AP4B1: variants seen among roughly 807,000 people sequenced by gnomAD.
AP4B1 encodes the protein adaptor related protein complex 4 subunit beta 1.
AP4B1 carries 49 observed loss-of-function variants against 76.5 expected under a neutral mutation model. The ratio of observed to expected loss-of-function variants is 0.64; its 90% CI spans 0.51 to 0.81. The LOEUF is 0.81. Among genes scored for constraint, AP4B1 ranks in the 40% least tolerant of loss-of-function variants. The pLI is 0.00. For missense variants in AP4B1, 911 were observed against 904.9 expected (o/e 1.01, Z -0.09); for synonymous variants, 330 against 333.3 (o/e 0.99, Z 0.11).
intron 3 of AP4B1, 35 bp from the exon 4 acceptor site, chr1:113,901,418 G>A (rs1234954040): frequency 1.2e-6 from 2 of 1,603,808 alleles, no homozygotes; most frequent in Non-Finnish European, 1.7e-6. Context: ...GATAAAGAAG[G>A]AAAGCTTCAG....
Position 113,894,905 on chromosome 1 carries a change from G to T in AP4B1, c.*160C>A. 1 of 746,690 alleles carries T rather than the reference G, an allele frequency of 1.3e-6. No homozygotes were observed. Among genetic ancestry groups the T allele is most frequent in the Non-Finnish European group, 2.1e-6 (1 of 468,278 alleles). The allele number at this position is 746,690 out of a possible 1,614,324, so 46.3% of individuals were successfully genotyped here. ...AATTGCCAATAGGAATGAAAGGAATGAATCAATGTTCTTTGGCCAAAAACT... is the reference window on the plus strand; with the variant it reads ...AATTGCCAATAGGAATGAAAGGAATTAATCAATGTTCTTTGGCCAAAAACT... On this transcript the variant is annotated 3_prime_UTR_variant, in exon 10 of 10. Coordinates refer to ENST00000369569, the MANE Select transcript of AP4B1 (RefSeq NM_001253852.3).
Position 113,896,662 on chromosome 1 carries a change from G to A in AP4B1, c.1303-197C>T, listed in dbSNP as rs181092653. On this transcript the variant is annotated intron_variant, in intron 7 of 9. Transcript: ENST00000369569. ...AGGAATGAAATTCTAATACACAAGA[G>A]GAAACTCAAAACTTTCATAGCCTAT... 1.8e-3 allele frequency: 1,114 copies of A among 619,418 alleles called. 1 individual carries two copies. Among genetic ancestry groups the A allele is most frequent in the Non-Finnish European group, 2.2e-3 (780 of 353,830 alleles). 38.4% of individuals were successfully genotyped at this position (619,418 alleles called of 1,614,324 possible).
In AP4B1 at chr1:113,895,979, C is replaced by A. The variant is rs1383656041; in HGVS notation, c.1570G>T (p.Val524Phe). 5 of 1,614,078 alleles carry A rather than the reference C, an allele frequency of 3.1e-6. No homozygotes were observed. The highest frequency in any genetic ancestry group is 3.4e-6 in the Non-Finnish European group (4 of 1,180,042). The change falls in exon 9 of 10, where the codon GTT (valine) becomes TTT (phenylalanine). Residue 524 changes from valine to phenylalanine, a missense_variant. Val to Phe is a conservative substitution (Grantham distance 50). Transcript: ENST00000369569. ...ATCCGCTTAACTTCATCAATGCCAACTAAGAGGAGGCGATAATAGAAGAGA... is the reference window on the plus strand; with the variant it reads ...ATCCGCTTAACTTCATCAATGCCAAATAAGAGGAGGCGATAATAGAAGAGA... ...RGLFYYRLLL[V>F]GIDEVKRILC...
chr1:113,900,472 G>T, intron 4 of AP4B1, 72 bp from the exon 5 acceptor site: 1 of 1,556,738 alleles, frequency 6.4e-7, no homozygotes, highest in Non-Finnish European at 8.8e-7. Context: ...ACTGCCATAT[G>T]ACCAGGTGGT....
chr1:113,901,647 T>C (rs947054408), intron 3 of AP4B1, 108 bp downstream of exon 3: 18 of 1,478,058 alleles, frequency 1.2e-5, no homozygotes, highest in African/African-American at 1.1e-4. Flanking sequence ...TAAAGAGATA[T>C]GTACAGAACT....
Position 113,894,888 on chromosome 1 carries a change from A to G in AP4B1, c.*177T>C. The G allele has an allele frequency of 1.5e-6, 1 of 673,956 alleles. No homozygotes were observed. The highest frequency in any genetic ancestry group is 2.5e-6 in the Non-Finnish European group (1 of 407,454). The allele number at this position is 673,956 out of a possible 1,614,324, so 41.7% of individuals were successfully genotyped here. A position where few individuals can be genotyped will look rare whatever the true frequency, so the allele number is the denominator to read the frequency against. On this transcript the variant is annotated 3_prime_UTR_variant, in exon 10 of 10. Coordinates refer to ENST00000369569, the MANE Select transcript of AP4B1 (RefSeq NM_001253852.3). Reference sequence around the variant, plus strand: ...CACTGAAAAATGGGGTCAATTGCCAATAGGAATGAAAGGAATGAATCAATG... The same window carrying G: ...CACTGAAAAATGGGGTCAATTGCCAGTAGGAATGAAAGGAATGAATCAATG...
rs28364562 is a variant in AP4B1 at position 113,904,329 on chromosome 1, T to C, written c.113+276A>G. Among the ~76,000 whole-genome samples the C allele has an allele frequency of 2.8e-3, 425 of 152,194 alleles. 3 individuals carry two copies. Among genetic ancestry groups the C allele is most frequent in the African/African-American group, 9.9e-3 (413 of 41,510 alleles). On this transcript the variant is annotated intron_variant, in intron 1 of 9. Transcript: ENST00000369569. ...CCAAGCAGGCAGTGGGATACGTGGG[T>C]CTGAAGCTAAAAAAGGAAGTCTGTA...
At position 113,901,134 on chromosome 1, in the gene AP4B1, T is replaced by C. The variant is rs1668198387; in HGVS notation, c.617+102A>G. ...AATAATAATAATAATAATGGTTAAC[T>C]TTCTTTTCTACCCCACATAAGTTGT... On this transcript the variant is annotated intron_variant, in intron 4 of 9. Coordinates refer to ENST00000369569, the MANE Select transcript of AP4B1 (RefSeq NM_001253852.3). 10 of 1,454,530 alleles carry C rather than the reference T, an allele frequency of 6.9e-6. No homozygotes were observed. In the East Asian group the frequency reaches 2.3e-4, roughly 33 times the overall value. 90.1% of individuals were successfully genotyped at this position (1,454,530 alleles called of 1,614,324 possible). A position where few individuals can be genotyped will look rare whatever the true frequency, so the allele number is the denominator to read the frequency against.
chr1:113,900,423 G>T (rs1156441082), intron 4 of AP4B1, 23 bp from the exon 5 acceptor site: 1 of 1,612,934 alleles, frequency 6.2e-7, no homozygotes, highest in South Asian at 1.1e-5. Context: ...CAAAACAAAA[G>T]AGCTATTTTA....
In AP4B1 at chr1:113,900,116, C is replaced by A; in HGVS notation, c.902G>T (p.Arg301Leu). ...ELCFVALCHVRQILHSLPGHF... is the reference protein window; with the variant it reads ...ELCFVALCHVLQILHSLPGHF... ...ACCTGGTAAACTATGCAAGATCTGG[C>A]GTACATGACAAAGAGCAACAAAACA... Residue 301 changes from arginine (R) to leucine (L), a missense_variant, in exon 5 of 10, where the codon CGC becomes CTC. Transcript: ENST00000369569. 3 of 1,614,138 alleles carry A rather than the reference C, an allele frequency of 1.9e-6. No homozygotes were observed. Among genetic ancestry groups the A allele is most frequent in the Non-Finnish European group, 2.5e-6 (3 of 1,180,042 alleles).
Position 113,901,781 on chromosome 1 carries a change from T to G in AP4B1, c.443A>C (p.His148Pro), listed in dbSNP as rs1228649275. The change falls in exon 3 of 10, where the codon CAT becomes CCT. Residue 148 changes from histidine (H) to proline (P), a missense_variant. His to Pro is a moderately conservative substitution (Grantham distance 77). Coordinates refer to ENST00000369569, the MANE Select transcript of AP4B1 (RefSeq NM_001253852.3). ...RVAVLGCAKM[H>P]NLHGDSEVDG... Reference sequence around the variant, plus strand: ...TACTTCAGAGTCTCCATGAAGATTATGCATCTTGGCACATCCAAGGACTGC... The same window carrying G: ...TACTTCAGAGTCTCCATGAAGATTAGGCATCTTGGCACATCCAAGGACTGC... The G allele has an allele frequency of 5.6e-6, 9 of 1,614,222 alleles. No individual in the cohort carries two copies. The highest frequency in any genetic ancestry group is 3.3e-5 in the Admixed American group (2 of 60,022).
At chr1:113,899,210 C>G in intron 5 of AP4B1, 1 of 1,030,692 alleles carries the variant, frequency 9.7e-7, no homozygotes, top group Non-Finnish European at 1.2e-6. Context: ...TTCTCTGCCC[C>G]TAAAATAACC....
rs752215351 is a variant in AP4B1 at position 113,897,858 on chromosome 1, C to T, written c.1284G>A (p.Glu428=). 40 of 1,614,056 alleles carry T rather than the reference C, an allele frequency of 2.5e-5. No homozygotes were observed. Among genetic ancestry groups the T allele is most frequent in the Non-Finnish European group, 3.4e-5 (40 of 1,180,042 alleles). Residue 428 remains glutamate, a synonymous_variant, in exon 7 of 10, where the codon GAG becomes GAA. Coordinates refer to ENST00000369569, the MANE Select transcript of AP4B1 (RefSeq NM_001253852.3). ...AGTCTACCTCACTATCTTGAATGTT[C>T]TCTTCACAGCCGGGCAGGGCCTGAC... ...AVCQALPGCE[E]NIQDSEGKQA...
chr1:113,902,919 A>G (rs1320486381), intron 1 of AP4B1, 57 bp from the exon 2 acceptor site: 1 of 1,523,468 alleles, frequency 6.6e-7, no homozygotes. Flanking sequence ...CTTACAATGG[A>G]GGGAGTTTTA....
In AP4B1 at chr1:113,900,379, C is replaced by T; in HGVS notation, c.639G>A (p.Trp213Ter). 1 of 1,613,068 alleles carries T rather than the reference C, an allele frequency of 6.2e-7. No individual in the cohort carries two copies. Among genetic ancestry groups the T allele is most frequent in the Non-Finnish European group, 8.5e-7 (1 of 1,179,816 alleles). Reference sequence around the variant, plus strand: ...GAAAGTTCAATACTTCAGCCTGGCCCCATTGGTCCAGTTTTGACATTCTAT... The same window carrying T: ...GAAAGTTCAATACTTCAGCCTGGCCTCATTGGTCCAGTTTTGACATTCTAT... ...LLNRMSKLDQ[W>*]GQAEVLNFLL... is the part of the protein sequence containing the mutation. Residue 213 changes from tryptophan to a stop codon, truncating the protein, a stop_gained, in exon 5 of 10, where the codon TGG becomes TGA. Transcript: ENST00000369569. LOFTEE classifies it high-confidence loss of function.
intron 4 of AP4B1, chr1:113,901,015 G>C: frequency 1.8e-6 from 1 of 564,624 alleles, no homozygotes. Flanking sequence ...GCTGAGGCAG[G>C]AGAATTGCTT....
rs748774784 is a variant in AP4B1, at chr1:113,904,669, G to A, written c.49C>T (p.Leu17=). ...EDVVKELKKA[L]CNPHIQADRL... ...TCAGCTTGAATGTGAGGATTGCACA[G>A]AGCCTTCTTCAGCTCCTTCACCACG... The change falls in exon 1 of 10, where the codon CTG becomes TTG. Residue 17 remains leucine, a synonymous_variant. Coordinates refer to ENST00000369569, the MANE Select transcript of AP4B1 (RefSeq NM_001253852.3). The A allele has an allele frequency of 5.3e-5, 86 of 1,613,030 alleles. No homozygotes were observed. Among genetic ancestry groups the A allele is most frequent in the Non-Finnish European group, 5.9e-5 (70 of 1,180,036 alleles).
rs1422044917 is a variant in AP4B1 at position 113,898,815 on chromosome 1, GA to G, written c.1115-15del. The G allele has an allele frequency of 1.3e-6, 2 of 1,595,614 alleles. No individual in the cohort carries two copies. The highest frequency in any genetic ancestry group is 1.3e-5 in the African/African-American group (1 of 74,532). On this transcript the variant is annotated splice_polypyrimidine_tract_variant and intron_variant, in intron 5 of 9. Transcript: ENST00000369569. ...TGGCAATGCCACCTACAAAAGAAGGGAAAGCAGAGAAAACTGCTAAGTGAAA... is the reference window on the plus strand; with the variant it reads ...TGGCAATGCCACCTACAAAAGAAGGGAAGCAGAGAAAACTGCTAAGTGAAA...
At position 113,904,748 on chromosome 1, in the gene AP4B1, G is replaced by T. The variant is rs775262461; in HGVS notation, c.-31C>A. ...TAAGAGTCACAGGGCAGCTCCCACA[G>T]CTCCCACGGTAACTCGAGGGCTCCT... On this transcript the variant is annotated 5_prime_UTR_variant, in exon 1 of 10. In the 5' UTR this introduces an upstream ATG that the reference lacks. Coordinates refer to ENST00000369569, the MANE Select transcript of AP4B1 (RefSeq NM_001253852.3). The T allele has an allele frequency of 5.0e-6, 8 of 1,584,222 alleles. No individual in the cohort carries two copies. Among genetic ancestry groups the T allele is most frequent in the Non-Finnish European group, 6.9e-6 (8 of 1,154,656 alleles).
Sources: gnomAD v4.1 joint callset for allele counts (sites outside exome capture counted in the v4.1 genomes callset) on GRCh38, gnomAD v4.1.1 for gene constraint, MANE v1.5 for transcripts, NCBI Gene and HGNC (gene_info 2026-07-23, HGNC 2026-07-21) for gene names.